The following LINGO2 variants were observed in gnomAD, a reference collection of about 807,000 sequenced individuals.
The protein encoded by LINGO2 is leucine rich repeat and Ig domain containing 2.
Under a neutral mutation model 30.6 loss-of-function variants are expected in LINGO2, and 14 were observed. The ratio of observed to expected loss-of-function variants is 0.46; its 90% CI spans 0.30 to 0.72. The LOEUF (loss-of-function observed/expected upper bound fraction) is 0.72, where lower values mean the gene tolerates loss of function less well. LINGO2 is among the 30% of genes least tolerant of loss of function. The pLI is 0.07. For synonymous variants in LINGO2, 317 were observed against 288.5 expected (o/e 1.10, Z -1.00); for missense variants, 729 against 751.7 (o/e 0.97, Z 0.35).
chr9:27,979,250 C>T (rs774829079), intron 5 of LINGO2, among the ~76,000 whole-genome samples: 1 of 151,996 alleles, frequency 6.6e-6, no homozygotes, highest in Non-Finnish European at 1.5e-5. Flanking sequence ...GGGGTAGTGG[C>T]AGCTCTTGTA....
the LINGO2 span, among the ~76,000 whole-genome samples, chr9:28,787,075 T>A: frequency 6.6e-6 from 1 of 152,178 alleles, no homozygotes; most frequent in African/African-American, 2.4e-5. Context: ...TACTTTTGCT[T>A]AATCACCAGG....
chr9:28,506,415 TATATATACACAC>T (rs1368734367), intron 1 of LINGO2, among the ~76,000 whole-genome samples: 1 of 2,480 alleles, frequency 4.0e-4, no homozygotes, highest in African/African-American at 7.9e-4. Context: ...TATATATATA[TATATATACACAC>T]ACACACACAC....
At chr9:28,977,550 T>C in the LINGO2 span, among the ~76,000 whole-genome samples, 1 of 152,296 alleles carries the variant, frequency 6.6e-6, no homozygotes, top group Non-Finnish European at 1.5e-5. Context: ...TAACTATTTA[T>C]AGTGTTATGG....
chr9:28,946,299 A>G, the LINGO2 span, among the ~76,000 whole-genome samples: 1 of 152,184 alleles, frequency 6.6e-6, no homozygotes, highest in East Asian at 1.9e-4. Flanking sequence ...CTACACAGAG[A>G]GAATTCTATT....
chr9:28,198,575 G>A (rs1820103027), intron 4 of LINGO2, among the ~76,000 whole-genome samples: 1 of 152,252 alleles, frequency 6.6e-6, no homozygotes, highest in Admixed American at 6.5e-5. Context: ...TATGCCAAGT[G>A]AGTTTTAAAA....
chr9:28,605,851 G>A (rs565020543), intron 1 of LINGO2, among the ~76,000 whole-genome samples: 4 of 152,164 alleles, frequency 2.6e-5, no homozygotes, highest in Middle Eastern at 3.4e-3. Flanking sequence ...TACAATAGCA[G>A]AGCTCCATAG....
chr9:28,234,854 T>C (rs1341777417), intron 4 of LINGO2, among the ~76,000 whole-genome samples: 1 of 149,336 alleles, frequency 6.7e-6, no homozygotes, highest in African/African-American at 2.6e-5. Flanking sequence ...CTCAATAAAC[T>C]CCCCTTTATA....
chr9:27,957,448 C>G (rs946768437), intron 5 of LINGO2, among the ~76,000 whole-genome samples: 4 of 152,138 alleles, frequency 2.6e-5, no homozygotes, highest in African/African-American at 9.7e-5. Context: ...CATGTGTCAC[C>G]AGGCCCAGCT....
In LINGO2 at chr9:28,053,347, C is replaced by T. The variant is rs191029812; in HGVS notation, c.-86-40942G>A. On this transcript the variant is annotated intron_variant, in intron 4 of 5. Transcript: ENST00000379992. ...GGTCTTAGGCTGCAAGGGAGAGAGT[C>T]GTAAGAGACAAAACTAGAATGCTAA... Among the ~76,000 whole-genome samples the T allele has an allele frequency of 2.4e-3, 364 of 151,818 alleles. 2 individuals carry two copies. The highest frequency in any genetic ancestry group is 8.4e-3 in the African/African-American group (349 of 41,398).
intron 1 of LINGO2, among the ~76,000 whole-genome samples, chr9:28,499,884 T>G (rs970788861): frequency 6.6e-6 from 1 of 152,138 alleles, no homozygotes; most frequent in Non-Finnish European, 1.5e-5. Flanking sequence ...CCCCACTGGA[T>G]GCCATAGTTG....
chr9:29,067,313 T>C, the LINGO2 span, among the ~76,000 whole-genome samples: 73,695 of 151,400 alleles, frequency 0.49, 18,664 homozygotes, highest in African/African-American at 0.64. Flanking sequence ...AGTGATACAC[T>C]GCAAGAGAAG....
the LINGO2 span, among the ~76,000 whole-genome samples, chr9:29,078,174 G>A: frequency 6.6e-6 from 1 of 151,882 alleles, no homozygotes; most frequent in Non-Finnish European, 1.5e-5. Context: ...TAGAAAAGGA[G>A]CAGCAATTAG....
chr9:28,702,104 C>A, the LINGO2 span, among the ~76,000 whole-genome samples: 14 of 151,886 alleles, frequency 9.2e-5, no homozygotes, highest in African/African-American at 3.1e-4. Flanking sequence ...AATTTGTATA[C>A]CTTTTATTTC....
chr9:28,681,552 A>G, the LINGO2 span, among the ~76,000 whole-genome samples: 1 of 152,086 alleles, frequency 6.6e-6, no homozygotes, highest in Non-Finnish European at 1.5e-5. Flanking sequence ...AGTAGTAAGG[A>G]AAAAGGGATA....
At chr9:28,027,570 TG>T (rs1405804290) in intron 4 of LINGO2, among the ~76,000 whole-genome samples, 9 of 152,118 alleles carry the variant, frequency 5.9e-5, no homozygotes, top group African/African-American at 2.2e-4. Context: ...ATCCTACAGG[TG>T]GAGGCAGACA....
intron 1 of LINGO2, among the ~76,000 whole-genome samples, chr9:28,509,983 C>T (rs934772442): frequency 2.0e-5 from 3 of 152,206 alleles, no homozygotes; most frequent in Non-Finnish European, 4.4e-5. Flanking sequence ...TAACTGGTAT[C>T]AATGCAGTGG....
chr9:28,654,280 C>A (rs2135984706), intron 1 of LINGO2, among the ~76,000 whole-genome samples: 1 of 152,108 alleles, frequency 6.6e-6, no homozygotes, highest in Non-Finnish European at 1.5e-5. Context: ...CCCCTAAAGC[C>A]CTTTTATGTA....
At chr9:28,039,596 C>G (rs1166995452) in intron 4 of LINGO2, among the ~76,000 whole-genome samples, 1 of 152,048 alleles carries the variant, frequency 6.6e-6, no homozygotes, top group East Asian at 1.9e-4. Flanking sequence ...GTCTTTTGGA[C>G]TCTGTATATA....
chr9:29,024,187 G>A, the LINGO2 span, among the ~76,000 whole-genome samples: 10 of 152,012 alleles, frequency 6.6e-5, no homozygotes, highest in East Asian at 3.9e-4. Flanking sequence ...ATAAATTTTC[G>A]TTATATCACT....
Sources: allele counts gnomAD v4.1 joint callset (sites outside exome capture counted in the v4.1 genomes callset), GRCh38; gene constraint gnomAD v4.1.1; transcripts MANE v1.5; gene names NCBI Gene and HGNC (gene_info 2026-07-23, HGNC 2026-07-21).